Variants in PTPRD observed in about 807,000 individuals in gnomAD.
PTPRD encodes the protein protein tyrosine phosphatase receptor type D.
PTPRD carries 34 observed loss-of-function variants against 214.5 expected under a neutral mutation model. That is an observed-to-expected ratio of 0.16 (90% CI 0.12 to 0.21). The LOEUF is 0.21. PTPRD is among the 10% of genes least tolerant of loss of function. The pLI, the probability that PTPRD is intolerant of heterozygous loss-of-function variation, is 1.00. For synonymous variants in PTPRD, 1,128 were observed against 845.7 expected (o/e 1.33, Z -5.79); for missense variants, 2,545 against 2,398.7 (o/e 1.06, Z -1.27).
At chr9:10,472,418 A>G (rs535985635) in intron 2 of PTPRD, among the ~76,000 whole-genome samples, 1 of 150,490 alleles carries the variant, frequency 6.6e-6, no homozygotes, top group South Asian at 2.1e-4. Context: ...ATCTTTTGCA[A>G]ATGTGGTCCA....
chr9:10,536,883 G>T (rs1447538030), intron 2 of PTPRD, among the ~76,000 whole-genome samples: 1 of 152,048 alleles, frequency 6.6e-6, no homozygotes, highest in Non-Finnish European at 1.5e-5. Context: ...ATTAGTAATT[G>T]GCAATGCTTT....
intron 9 of PTPRD, among the ~76,000 whole-genome samples, chr9:9,326,532 A>G (rs1464726983): frequency 6.6e-6 from 1 of 152,132 alleles, no homozygotes; most frequent in Non-Finnish European, 1.5e-5. Context: ...TATAATTAGA[A>G]AACAAATATT....
At chr9:9,810,661 A>G (rs974675113) in intron 5 of PTPRD, among the ~76,000 whole-genome samples, 1 of 152,084 alleles carries the variant, frequency 6.6e-6, no homozygotes. Context: ...GACAATGCAC[A>G]TAGTAACCTA....
intron 8 of PTPRD, among the ~76,000 whole-genome samples, chr9:9,422,223 G>A (rs542775115): frequency 1.7e-4 from 26 of 152,190 alleles, no homozygotes; most frequent in Admixed American, 7.9e-4. Flanking sequence ...GCTGAGACAC[G>A]AAGGGCACAA....
At chr9:9,693,923 C>A (rs1195770063) in intron 7 of PTPRD, among the ~76,000 whole-genome samples, 1 of 152,162 alleles carries the variant, frequency 6.6e-6, no homozygotes, top group East Asian at 1.9e-4. Flanking sequence ...CATATTTTCA[C>A]TCTATAATTT....
At chr9:9,362,169 G>T (rs2056404367) in intron 9 of PTPRD, among the ~76,000 whole-genome samples, 1 of 150,904 alleles carries the variant, frequency 6.6e-6, no homozygotes, top group African/African-American at 2.4e-5. Context: ...GCATCGCAAG[G>T]GATGGCAAAT....
intron 2 of PTPRD, among the ~76,000 whole-genome samples, chr9:10,515,286 T>C (rs10756049): frequency 0.32 from 48,549 of 151,760 alleles, 8,149 homozygotes; most frequent in Middle Eastern, 0.39. Context: ...GAAATATAAA[T>C]TTTTTATGCT....
At chr9:9,375,781 T>C (rs2060618911) in intron 9 of PTPRD, among the ~76,000 whole-genome samples, 1 of 152,106 alleles carries the variant, frequency 6.6e-6, no homozygotes, top group Non-Finnish European at 1.5e-5. Flanking sequence ...GGATGATGGT[T>C]ATCAATGGCA....
intron 8 of PTPRD, among the ~76,000 whole-genome samples, chr9:9,481,731 T>A (rs2095423477): frequency 6.6e-6 from 1 of 151,988 alleles, no homozygotes; most frequent in African/African-American, 2.4e-5. Context: ...TGGCGTTCAG[T>A]TCTATTCTTG....
chr9:10,355,815 C>T (rs1300947349), intron 2 of PTPRD, among the ~76,000 whole-genome samples: 4 of 151,988 alleles, frequency 2.6e-5, no homozygotes, highest in Non-Finnish European at 5.9e-5. Context: ...ATACTTAAAA[C>T]ATAGAGTATG....
rs1303243388 is a variant in PTPRD, at chr9:8,907,531, A to ATATATATAT, written c.-104+111165_-104+111166insATATATATA. On this transcript the variant is annotated intron_variant, in intron 11 of 45. Transcript: ENST00000381196. ...AGACTCCGTCTCAAAAAAAAAAAAA[A>ATATATATAT]AAATATATATATATATATATATAAA... 1.2e-4 allele frequency among the ~76,000 whole-genome samples: 15 copies of ATATATATAT among 127,022 alleles called. No individual in the cohort carries two copies. The East Asian group carries it at 2.6e-3, about 22-fold the overall frequency. 83.3% of individuals were successfully genotyped at this position (127,022 alleles called of 152,430 possible).
intron 2 of PTPRD, among the ~76,000 whole-genome samples, chr9:10,494,746 T>C (rs2041515384): frequency 6.6e-6 from 1 of 151,442 alleles, no homozygotes; most frequent in South Asian, 2.1e-4. Flanking sequence ...CAGATGAATC[T>C]GATTATTTAT....
intron 5 of PTPRD, among the ~76,000 whole-genome samples, chr9:9,832,169 T>G (rs2055080511): frequency 6.6e-6 from 1 of 152,018 alleles, no homozygotes; most frequent in African/African-American, 2.4e-5. Flanking sequence ...TTTTGAAGAC[T>G]ATCAAGCTAG....
At position 9,017,967 on chromosome 9, in the gene PTPRD, C is replaced by T. The variant is rs575413340; in HGVS notation, c.-104+730G>A. Among the ~76,000 whole-genome samples, 267 of 152,146 alleles carry T rather than the reference C, an allele frequency of 1.8e-3. 3 individuals are homozygous for T. Among genetic ancestry groups the T allele is most frequent in the African/African-American group, 6.1e-3 (255 of 41,522 alleles). ...ACTACTTTGTATTTGTTCCACCTCT[C>T]TTTTGTTTCTTCCAAATATTTACAA... On this transcript the variant is annotated intron_variant, in intron 11 of 45. Coordinates refer to ENST00000381196, the MANE Select transcript of PTPRD (RefSeq NM_002839.4).
intron 14 of PTPRD, among the ~76,000 whole-genome samples, chr9:8,574,129 T>C (rs953500343): frequency 2.0e-5 from 3 of 151,908 alleles, no homozygotes; most frequent in South Asian, 2.1e-4. Context: ...GCACGGAACA[T>C]GCTATGCCAT....
intron 9 of PTPRD, among the ~76,000 whole-genome samples, chr9:9,185,333 C>T (rs996591182): frequency 7.9e-5 from 12 of 152,166 alleles, no homozygotes; most frequent in African/African-American, 2.6e-4. Context: ...GTATTCATTA[C>T]TGACACTTCT....
chr9:10,604,107 A>G (rs1379123078), intron 2 of PTPRD, among the ~76,000 whole-genome samples: 2 of 151,816 alleles, frequency 1.3e-5, no homozygotes, highest in Non-Finnish European at 2.9e-5. Flanking sequence ...AGAAACAGAA[A>G]TAGGAAGAGA....
At chr9:10,000,676 T>C (rs573821588) in intron 4 of PTPRD, among the ~76,000 whole-genome samples, 366 of 152,312 alleles carry the variant, frequency 2.4e-3, no homozygotes, top group Non-Finnish European at 4.3e-3. Flanking sequence ...TCCCGAAACA[T>C]TTCTTTTCTA....
chr9:9,763,911 G>C (rs1030108566), intron 6 of PTPRD, among the ~76,000 whole-genome samples: 1 of 151,914 alleles, frequency 6.6e-6, no homozygotes, highest in African/African-American at 2.4e-5. Flanking sequence ...TCACCCTCAT[G>C]CCTCTATATA....
Sources: gnomAD v4.1 joint callset for allele counts (sites outside exome capture counted in the v4.1 genomes callset) on GRCh38, gnomAD v4.1.1 for gene constraint, MANE v1.5 for transcripts, NCBI Gene and HGNC (gene_info 2026-07-23, HGNC 2026-07-21) for gene names.